The following NF2 variants were observed in gnomAD, a reference collection of about 807,000 sequenced individuals.
NF2 encodes the protein merlin.
NF2 carries 8 observed loss-of-function variants against 83.7 expected under a neutral mutation model. The ratio of observed to expected loss-of-function variants is 0.10; its 90% CI spans 0.06 to 0.17. The LOEUF is 0.17. NF2 is among the 10% of genes least tolerant of loss of function. The probability of loss-of-function intolerance (pLI) is 1.00; values close to 1 mark genes in which losing one functional copy is unlikely to be tolerated. For synonymous variants in NF2, 266 were observed against 269.6 expected, an observed-to-expected ratio of 0.99 and a Z score of 0.13; for missense variants, 533 against 744.4, an observed-to-expected ratio of 0.72 and a Z score of 3.31.
At position 29,698,241 on chromosome 22, in the gene NF2, T is replaced by C. The variant is rs1009892994; in HGVS notation, c.*3439T>C. The C allele has an allele frequency of 4.3e-6, 1 of 230,534 alleles. No homozygotes were observed. Among genetic ancestry groups the C allele is most frequent in the African/African-American group, 2.2e-5 (1 of 45,146 alleles). 14.3% of individuals were successfully genotyped at this position (230,534 alleles called of 1,614,324 possible). A position where few individuals can be genotyped will look rare whatever the true frequency, so the allele number is the denominator to read the frequency against. ...ACATAACACTTCATGAGTGGCTGTG[T>C]CTTGTAATTTTGGGGACAGGTTTCT... On this transcript the variant is annotated 3_prime_UTR_variant, in exon 16 of 16. Transcript: ENST00000338641.
At chr22:29,671,483 C>A (rs973799255) in intron 10 of NF2, among the ~76,000 whole-genome samples, 1 of 152,040 alleles carries the variant, frequency 6.6e-6, no homozygotes, top group African/African-American at 2.4e-5. Flanking sequence ...GAGCCGAGAT[C>A]GCGCCACTGC....
chr22:29,642,120 C>A, intron 3 of NF2, 82 bp from the exon 4 acceptor site: 1 of 1,149,330 alleles, frequency 8.7e-7, no homozygotes, highest in Non-Finnish European at 1.3e-6. Flanking sequence ...CATTAGAACG[C>A]CGTGAGGCCA....
intron 10 of NF2, among the ~76,000 whole-genome samples, chr22:29,669,691 G>A (rs1399688834): frequency 6.6e-6 from 1 of 152,156 alleles, no homozygotes; most frequent in East Asian, 1.9e-4. Flanking sequence ...ACTGCAGATC[G>A]GCACTGCTTA....
chr22:29,610,348 A>G (rs2064916710), intron 1 of NF2, among the ~76,000 whole-genome samples: 1 of 151,636 alleles, frequency 6.6e-6, no homozygotes, highest in South Asian at 2.1e-4. Flanking sequence ...CCTGTCTCTT[A>G]AAAAAAAGAA....
chr22:29,604,182 C>A, intron 1 of NF2, 70 bp downstream of exon 1: 2 of 1,244,712 alleles, frequency 1.6e-6, no homozygotes, highest in Non-Finnish European at 2.3e-6. Context: ...CTCTTTATAT[C>A]ATCTTATGGG....
chr22:29,667,799 C>CT (rs2066668332), intron 9 of NF2, among the ~76,000 whole-genome samples: 1 of 151,974 alleles, frequency 6.6e-6, no homozygotes, highest in African/African-American at 2.4e-5. Flanking sequence ...TTTCCTTAAT[C>CT]ACTTTTTGTG....
intron 10 of NF2, among the ~76,000 whole-genome samples, chr22:29,670,339 T>C (rs1012475770): frequency 6.6e-6 from 1 of 152,156 alleles, no homozygotes; most frequent in Non-Finnish European, 1.5e-5. Flanking sequence ...TTAGTTTCTT[T>C]TTTTTTAAAA....
At chr22:29,625,445 G>A (rs935248371) in intron 1 of NF2, among the ~76,000 whole-genome samples, 1 of 152,002 alleles carries the variant, frequency 6.6e-6, no homozygotes, top group Non-Finnish European at 1.5e-5. Context: ...CATTTTTGCT[G>A]CTTGTTTATT....
chr22:29,633,885 T>G (rs1368725330), intron 1 of NF2, among the ~76,000 whole-genome samples: 3 of 152,240 alleles, frequency 2.0e-5, no homozygotes, highest in African/African-American at 4.8e-5. Flanking sequence ...TTGGTTGGCA[T>G]GTAGGGTGTG....
At chr22:29,615,491 T>C (rs181788918) in intron 1 of NF2, among the ~76,000 whole-genome samples, 14 of 152,286 alleles carry the variant, frequency 9.2e-5, no homozygotes, top group Non-Finnish European at 1.8e-4. Context: ...GAGGATCACT[T>C]GAGCCTGGGA....
chr22:29,641,254 C>G (rs538792152), intron 3 of NF2, among the ~76,000 whole-genome samples: 1 of 152,256 alleles, frequency 6.6e-6, no homozygotes, highest in African/African-American at 2.4e-5. Flanking sequence ...GTTTCATTTT[C>G]TCTCTAAGAA....
chr22:29,611,210 C>T (rs995817882), intron 1 of NF2, among the ~76,000 whole-genome samples: 4 of 152,024 alleles, frequency 2.6e-5, no homozygotes, highest in Non-Finnish European at 5.9e-5. Context: ...TATGAAAAAC[C>T]CACAGCTAAC....
chr22:29,620,759 T>C (rs969984867), intron 1 of NF2, among the ~76,000 whole-genome samples: 1 of 150,980 alleles, frequency 6.6e-6, no homozygotes, highest in Non-Finnish European at 1.5e-5. Context: ...TCTCCCTACG[T>C]TGGTTGCTCA....
At chr22:29,613,403 A>T (rs1350113170) in intron 1 of NF2, among the ~76,000 whole-genome samples, 2 of 152,022 alleles carry the variant, frequency 1.3e-5, no homozygotes, top group Non-Finnish European at 2.9e-5. Context: ...GGGGGTGCAC[A>T]CTTGTAGTCC....
chr22:29,687,437 T>G (rs5752953), intron 15 of NF2, among the ~76,000 whole-genome samples: 46,311 of 151,782 alleles, frequency 0.31, 7,417 homozygotes, highest in Non-Finnish European at 0.37. Flanking sequence ...GCCAGTGAAG[T>G]GAAGTAGAAC....
intron 15 of NF2, among the ~76,000 whole-genome samples, chr22:29,685,217 C>T (rs1277608154): frequency 6.6e-6 from 1 of 151,960 alleles, no homozygotes; most frequent in Non-Finnish European, 1.5e-5. Context: ...AAGTGATCCT[C>T]CTGCCTCAGC....
intron 1 of NF2, among the ~76,000 whole-genome samples, chr22:29,616,626 C>T (rs1453448456): frequency 6.6e-6 from 1 of 151,974 alleles, no homozygotes; most frequent in Non-Finnish European, 1.5e-5. Flanking sequence ...CCTGTAATCC[C>T]AGCTACTCGG....
intron 14 of NF2, among the ~76,000 whole-genome samples, 174 bp downstream of exon 14, chr22:29,678,497 G>C (rs1008890856): frequency 6.6e-6 from 1 of 152,110 alleles, no homozygotes; most frequent in African/African-American, 2.4e-5. Context: ...AGAAATTAAG[G>C]ACAACAGATC....
intron 1 of NF2, among the ~76,000 whole-genome samples, chr22:29,606,908 G>A (rs2064813384): frequency 6.6e-6 from 1 of 152,142 alleles, no homozygotes; most frequent in Non-Finnish European, 1.5e-5. Flanking sequence ...AGCTGGGCAT[G>A]GGGGCATACA....
Sources: gnomAD v4.1 joint callset for allele counts (sites outside exome capture counted in the v4.1 genomes callset) on GRCh38, gnomAD v4.1.1 for gene constraint, MANE v1.5 for transcripts, NCBI Gene and HGNC (gene_info 2026-07-23, HGNC 2026-07-21) for gene names.